The following SH2D4A variants were observed in gnomAD, a reference collection of about 807,000 sequenced individuals.
SH2D4A encodes SH2 domain-containing protein 4A.
A neutral mutation model predicts 64.7 loss-of-function variants in SH2D4A; 70 were observed. The observed-to-expected ratio is 1.08, with a 90% CI of 0.89 to 1.32. The LOEUF (loss-of-function observed/expected upper bound fraction) is 1.32, where lower values mean the gene tolerates loss of function less well. SH2D4A is among the 40% of genes most tolerant of loss of function. The pLI is 0.00. For missense variants in SH2D4A, 706 were observed against 540.1 expected (o/e 1.31, Z -3.04); for synonymous variants, 268 against 200.7 (o/e 1.34, Z -2.83).
intron 8 of SH2D4A, among the ~76,000 whole-genome samples, chr8:19,381,771 T>C (rs1231927131): frequency 6.6e-6 from 1 of 152,232 alleles, no homozygotes; most frequent in Non-Finnish European, 1.5e-5. Flanking sequence ...TGATGTTTGC[T>C]GTGGGTTTTT....
intron 2 of SH2D4A, among the ~76,000 whole-genome samples, chr8:19,330,519 C>T (rs1042378832): frequency 6.6e-6 from 1 of 152,174 alleles, no homozygotes; most frequent in African/African-American, 2.4e-5. Flanking sequence ...CTGCTCCTCT[C>T]CTTTGCTCTC....
chr8:19,320,877 C>T (rs1287815977), intron 2 of SH2D4A, among the ~76,000 whole-genome samples: 1 of 152,150 alleles, frequency 6.6e-6, no homozygotes, highest in Non-Finnish European at 1.5e-5. Context: ...TTTGTAAAAT[C>T]ACATATGGTT....
intron 4 of SH2D4A, among the ~76,000 whole-genome samples, chr8:19,354,159 G>T (rs1305258625): frequency 6.6e-6 from 1 of 151,672 alleles, no homozygotes; most frequent in African/African-American, 2.4e-5. Flanking sequence ...GCACCACCAT[G>T]CCAGCTAATT....
intron 8 of SH2D4A, among the ~76,000 whole-genome samples, chr8:19,389,183 G>T (rs931525141): frequency 6.6e-6 from 1 of 152,186 alleles, no homozygotes; most frequent in Non-Finnish European, 1.5e-5. Context: ...CCATTGAACT[G>T]CCCTGTGGGG....
In SH2D4A at chr8:19,363,688, G is replaced by A. The variant is rs2052932439; in HGVS notation, c.707-384G>A. On this transcript the variant is annotated intron_variant, in intron 6 of 9. Coordinates refer to ENST00000265807, the MANE Select transcript of SH2D4A (RefSeq NM_022071.4). ...CACACTGCATCTGAACATAAGTCAT[G>A]CAGGGCGTGACAATTGCCTCTTATT... The A allele has an allele frequency of 1.0e-5, 3 of 290,650 alleles. No individual in the cohort carries two copies. In the Admixed American group the frequency reaches 1.4e-4, roughly 14 times the overall value. 18.0% of individuals were successfully genotyped at this position (290,650 alleles called of 1,614,324 possible).
intron 4 of SH2D4A, among the ~76,000 whole-genome samples, chr8:19,346,482 T>G (rs1007558271): frequency 6.6e-6 from 1 of 152,220 alleles, no homozygotes; most frequent in Non-Finnish European, 1.5e-5. Flanking sequence ...ACACTCTAGT[T>G]GAAGGAAAGC....
intron 2 of SH2D4A, 72 bp downstream of exon 2, chr8:19,319,800 C>G (rs1030290478): frequency 1.2e-4 from 171 of 1,435,268 alleles, no homozygotes; most frequent in Non-Finnish European, 1.5e-4. Flanking sequence ...CAATTTCACA[C>G]TAGTCACAAG....
chr8:19,359,734 T>TGCTTGCA (rs1244770593), intron 5 of SH2D4A, among the ~76,000 whole-genome samples: 3,971 of 152,294 alleles, frequency 0.026, 151 homozygotes, highest in African/African-American at 0.09. Context: ...AGAAGTTTAG[T>TGCTTGCA]TACATCTGCA....
rs570928648 is a variant in SH2D4A, at chr8:19,392,112, T to G, written c.1049-1206T>G. On this transcript the variant is annotated intron_variant, in intron 8 of 9. Transcript: ENST00000265807. The stretch of plus-strand genomic sequence containing the variant: ...GGGAATAAAAAATTTGGAACATGAG[T>G]CAGACCTCATGAGTTTGGACTAACT... 2.6e-5 allele frequency among the ~76,000 whole-genome samples: 4 copies of G among 152,298 alleles called. No individual in the cohort carries two copies. In the South Asian group the frequency reaches 8.3e-4, roughly 32 times the overall value.
intron 4 of SH2D4A, among the ~76,000 whole-genome samples, chr8:19,337,933 A>G (rs983365815): frequency 6.6e-6 from 1 of 152,174 alleles, no homozygotes; most frequent in African/African-American, 2.4e-5. Flanking sequence ...AAGAAGGCCG[A>G]GTGAAGAAAG....
At chr8:19,382,764 C>T (rs996813907) in intron 8 of SH2D4A, among the ~76,000 whole-genome samples, 5 of 137,016 alleles carry the variant, frequency 3.6e-5, no homozygotes, top group African/African-American at 1.3e-4. Context: ...TCTTATTGAC[C>T]ATCCTTTGTA....
intron 8 of SH2D4A, among the ~76,000 whole-genome samples, chr8:19,389,831 G>A (rs985422210): frequency 4.6e-5 from 7 of 152,150 alleles, no homozygotes; most frequent in East Asian, 1.9e-4. Context: ...CTGAGATTGT[G>A]CCACACTGCT....
intron 2 of SH2D4A, among the ~76,000 whole-genome samples, chr8:19,331,010 A>G (rs190398292): frequency 6.6e-6 from 1 of 152,264 alleles, no homozygotes; most frequent in African/African-American, 2.4e-5. Context: ...CCTGGAGGCC[A>G]CATTTGCTGT....
intron 8 of SH2D4A, among the ~76,000 whole-genome samples, chr8:19,376,997 C>T (rs937135119): frequency 6.6e-6 from 1 of 152,114 alleles, no homozygotes; most frequent in African/African-American, 2.4e-5. Flanking sequence ...AAAAATACAA[C>T]ACCAGTGATA....
chr8:19,386,297 C>T (rs1010346300), intron 8 of SH2D4A, among the ~76,000 whole-genome samples: 1 of 152,184 alleles, frequency 6.6e-6, no homozygotes, highest in African/African-American at 2.4e-5. Context: ...CACATTAATT[C>T]GGATTTGGGA....
intron 4 of SH2D4A, among the ~76,000 whole-genome samples, chr8:19,353,695 T>TA (rs1554481599): frequency 0.086 from 12,533 of 146,158 alleles, 745 homozygotes; most frequent in South Asian, 0.14. Flanking sequence ...TTTTTTTTTT[T>TA]AATAAAGGAA....
In SH2D4A at chr8:19,349,724, CATATG is replaced by C. The variant is rs751097198; in HGVS notation, c.514-7472_514-7468del. ...CATAAAAGTGTTTTGTAAAGCATTACATATGATATGAATATAGTTTTCTATTGTTG... is the reference window on the plus strand; with the variant it reads ...CATAAAAGTGTTTTGTAAAGCATTACATATGAATATAGTTTTCTATTGTTG... On this transcript the variant is annotated intron_variant, in intron 4 of 9. Transcript: ENST00000265807. Among the ~76,000 whole-genome samples the C allele has an allele frequency of 1.6e-4, 24 of 152,336 alleles. 1 individual carries two copies. The highest frequency in any genetic ancestry group is 8.3e-4 in the South Asian group (4 of 4,826).
chr8:19,314,293 C>T lies in SH2D4A; in HGVS notation c.-205+470C>T, dbSNP rs183807024. ...CTAGCAGGAGCACGTCCTCGACTTG[C>T]GCATGGAAATCTTCCAGGAGGGAAG... On this transcript the variant is annotated intron_variant, in intron 1 of 9. Transcript: ENST00000265807. Among the ~76,000 whole-genome samples, 113 of 152,282 alleles carry T rather than the reference C, an allele frequency of 7.4e-4. No homozygotes were observed. The East Asian group carries it at 0.022, about 29-fold the overall frequency.
At chr8:19,317,337 G>A (rs2052106907) in intron 1 of SH2D4A, among the ~76,000 whole-genome samples, 2 of 123,076 alleles carry the variant, frequency 1.6e-5, no homozygotes, top group African/African-American at 6.5e-5. Context: ...GGCTGTTCAA[G>A]CCTTTAAGGG....
Sources: allele counts gnomAD v4.1 joint callset (sites outside exome capture counted in the v4.1 genomes callset), GRCh38; gene constraint gnomAD v4.1.1; transcripts MANE v1.5; gene names NCBI Gene and HGNC (gene_info 2026-07-23, HGNC 2026-07-21).